RAB33A: variants seen among roughly 807,000 people sequenced by gnomAD.
RAB33A encodes the protein ras-related protein Rab-33A.
In RAB33A, 6 loss-of-function variants were observed where a neutral mutation model predicts 12.0. That is an observed-to-expected ratio of 0.50 (90% CI 0.27 to 0.99). RAB33A has a LOEUF of 0.99. Ranked by LOEUF, RAB33A falls within the 50% of genes least tolerant of loss-of-function variation. The pLI, the probability that RAB33A is intolerant of heterozygous loss-of-function variation, is 0.11. For synonymous variants in RAB33A, 70 were observed against 82.4 expected (o/e 0.85, Z 0.81); for missense variants, 109 against 192.0 (o/e 0.57, Z 2.55).
At chrX:130,129,729 G>A in the RAB33A span, 13 of 857,624 alleles carry the variant, frequency 1.5e-5, no homozygotes, top group Admixed American at 1.4e-4. Flanking sequence ...TATCACACTG[G>A]GAGGGAGTTG....
intron 1 of RAB33A, 49 bp downstream of exon 1, chrX:130,172,369 T>C (rs1252763766): frequency 8.7e-7 from 1 of 1,153,161 alleles, no homozygotes; most frequent in Non-Finnish European, 1.2e-6. Context: ...GGAGGGGACC[T>C]CGCCCGAGGC....
the RAB33A span, among the ~76,000 whole-genome samples, chrX:130,116,610 A>C: frequency 4.5e-5 from 5 of 112,357 alleles, no homozygotes; most frequent in Non-Finnish European, 7.5e-5. Flanking sequence ...TTCTGGAGAC[A>C]AGGTGGCTGG....
At chrX:130,181,340 T>C (rs1323631393) in intron 1 of RAB33A, among the ~76,000 whole-genome samples, 1 of 111,688 alleles carries the variant, frequency 9.0e-6, no homozygotes, top group Non-Finnish European at 1.9e-5. Context: ...ACTTACTGAC[T>C]GCTAACTCCA....
chrX:130,141,224 A>G, the RAB33A span, among the ~76,000 whole-genome samples: 2 of 112,293 alleles, frequency 1.8e-5, no homozygotes, highest in Non-Finnish European at 3.8e-5. Context: ...CTTGACCTAA[A>G]GCGATCCTTA....
At chrX:130,125,214 G>C in the RAB33A span, among the ~76,000 whole-genome samples, 1 of 111,670 alleles carries the variant, frequency 9.0e-6, no homozygotes, top group African/African-American at 3.3e-5. Flanking sequence ...GACGCCAGAG[G>C]CTGCTTTTCT....
At chrX:130,166,216 C>G in the RAB33A span, among the ~76,000 whole-genome samples, 7 of 111,938 alleles carry the variant, frequency 6.3e-5, no homozygotes, top group African/African-American at 2.3e-4. Flanking sequence ...TCCAGTTTTT[C>G]CATGAGTCCG....
At chrX:130,141,227 G>A in the RAB33A span, among the ~76,000 whole-genome samples, 3 of 111,957 alleles carry the variant, frequency 2.7e-5, no homozygotes, top group Non-Finnish European at 5.6e-5. Flanking sequence ...GACCTAAAGC[G>A]ATCCTTAAGA....
chrX:130,153,601 G>A, the RAB33A span, among the ~76,000 whole-genome samples: 2 of 111,248 alleles, frequency 1.8e-5, no homozygotes, highest in Non-Finnish European at 3.8e-5. Flanking sequence ...GGGGCATTGG[G>A]GAGGTGATAA....
chrX:130,157,696 G>A, the RAB33A span, among the ~76,000 whole-genome samples: 1 of 111,387 alleles, frequency 9.0e-6, no homozygotes, highest in East Asian at 2.8e-4. Context: ...GTCAGGCGTG[G>A]TGGCTCACGC....
chrX:130,158,694 G>A, the RAB33A span, among the ~76,000 whole-genome samples: 1 of 67,238 alleles, frequency 1.5e-5, no homozygotes, highest in Non-Finnish European at 2.5e-5. Flanking sequence ...ACTAACCATA[G>A]CTGATGAGCT....
the RAB33A span, among the ~76,000 whole-genome samples, chrX:130,158,276 A>G: frequency 1.8e-5 from 2 of 112,100 alleles, no homozygotes; most frequent in Non-Finnish European, 3.8e-5. Context: ...AAGAAAAAAA[A>G]AGAGAAAAAG....
chrX:130,154,389 A>C, the RAB33A span, among the ~76,000 whole-genome samples: 2 of 112,280 alleles, frequency 1.8e-5, no homozygotes, highest in Non-Finnish European at 3.8e-5. Flanking sequence ...TACTGAACAC[A>C]AAGGCTTTAA....
At chrX:130,124,215 G>A in the RAB33A span, among the ~76,000 whole-genome samples, 2 of 111,923 alleles carry the variant, frequency 1.8e-5, no homozygotes, top group East Asian at 2.8e-4. Context: ...GCCACCACTC[G>A]GTTATAAAGC....
At chrX:130,126,361 G>A in the RAB33A span, among the ~76,000 whole-genome samples, 2 of 110,762 alleles carry the variant, frequency 1.8e-5, no homozygotes, top group African/African-American at 3.3e-5. Context: ...GTGTGGTGGC[G>A]TGTGCTTGTA....
At chrX:130,123,312 T>C in the RAB33A span, among the ~76,000 whole-genome samples, 1 of 111,280 alleles carries the variant, frequency 9.0e-6, no homozygotes, top group Non-Finnish European at 1.9e-5. Context: ...TCTGGAAGAG[T>C]GTTCTTTTCA....
chrX:130,160,507 A>G, the RAB33A span, among the ~76,000 whole-genome samples: 5 of 112,427 alleles, frequency 4.4e-5, no homozygotes, highest in Admixed American at 3.8e-4. Flanking sequence ...TGCTCAATAA[A>G]TATTTGTTGA....
chrX:130,129,070 C>T, the RAB33A span, among the ~76,000 whole-genome samples: 1 of 111,827 alleles, frequency 8.9e-6, no homozygotes, highest in Non-Finnish European at 1.9e-5. Context: ...AGCAGGGAGA[C>T]ACATACACAA....
chrX:130,114,755 T>A, the RAB33A span, among the ~76,000 whole-genome samples: 1 of 112,148 alleles, frequency 8.9e-6, no homozygotes, highest in South Asian at 3.7e-4. Context: ...ACTTGCACAC[T>A]CAACTTGCCC....
intron 1 of RAB33A, among the ~76,000 whole-genome samples, chrX:130,178,637 A>T (rs751965420): frequency 9.1e-6 from 1 of 110,132 alleles, no homozygotes; most frequent in Non-Finnish European, 1.9e-5. Flanking sequence ...CTGATTTTTT[A>T]AAATTAATTA....
Sources: gnomAD v4.1 joint callset for allele counts (sites outside exome capture counted in the v4.1 genomes callset) on GRCh38, gnomAD v4.1.1 for gene constraint, MANE v1.5 for transcripts, NCBI Gene and HGNC (gene_info 2026-07-23, HGNC 2026-07-21) for gene names.